The following RASGRF2 variants were observed in gnomAD, a reference collection of about 807,000 sequenced individuals.
RASGRF2 encodes Ras protein specific guanine nucleotide releasing factor 2.
RASGRF2 carries 76 observed loss-of-function variants against 151.0 expected under a neutral mutation model. That is an observed-to-expected ratio of 0.50 (90% CI 0.42 to 0.61). RASGRF2 has a LOEUF of 0.61. RASGRF2 is among the 20% of genes least tolerant of loss of function. RASGRF2 has a pLI of 0.00. For synonymous variants in RASGRF2, 504 were observed against 566.5 expected (o/e 0.89, Z 1.57); for missense variants, 1,148 against 1,564.6 (o/e 0.73, Z 4.49).
chr5:81,201,168 C>A (rs1755385799), intron 18 of RASGRF2, among the ~76,000 whole-genome samples, 162 bp from the exon 19 acceptor site: 1 of 152,150 alleles, frequency 6.6e-6, no homozygotes, highest in African/African-American at 2.4e-5. Flanking sequence ...CCATTCCTAA[C>A]CAATTAAATC....
At chr5:81,018,417 G>A (rs1749712105) in intron 1 of RASGRF2, among the ~76,000 whole-genome samples, 1 of 152,138 alleles carries the variant, frequency 6.6e-6, no homozygotes, top group Non-Finnish European at 1.5e-5. Context: ...GATTTAGAGT[G>A]AGTTCTCTGT....
chr5:81,188,000 C>T (rs1289559587), intron 18 of RASGRF2, among the ~76,000 whole-genome samples: 1 of 152,154 alleles, frequency 6.6e-6, no homozygotes, highest in African/African-American at 2.4e-5. Flanking sequence ...ACAGAATTTT[C>T]GGTGTGGGCA....
At chr5:80,975,692 G>A (rs536758019) in intron 1 of RASGRF2, among the ~76,000 whole-genome samples, 8 of 152,220 alleles carry the variant, frequency 5.3e-5, no homozygotes, top group East Asian at 1.9e-4. Context: ...CTAATGAGTG[G>A]TGAGGTATAT....
At position 81,168,200 on chromosome 5, in the gene RASGRF2, T is replaced by C. The variant is rs955426866; in HGVS notation, c.2687-11975T>C. 3.3e-5 allele frequency among the ~76,000 whole-genome samples: 5 copies of C among 152,020 alleles called. No individual in the cohort carries two copies. The East Asian group carries it at 9.7e-4, about 30-fold the overall frequency. On this transcript the variant is annotated intron_variant, in intron 17 of 26. Transcript: ENST00000265080. ...TCCGCTTTGCCCCATCCCATCCCTT[T>C]TCACCTCCTTAAGAACTGTTCTCCT...
At position 80,971,906 on chromosome 5, in the gene RASGRF2, A is replaced by T. The variant is rs930391269; in HGVS notation, c.288+10880A>T. 5.4e-5 allele frequency among the ~76,000 whole-genome samples: 8 copies of T among 148,286 alleles called. No homozygotes were observed. The South Asian group carries it at 1.5e-3, about 28-fold the overall frequency. The stretch of plus-strand genomic sequence containing the variant: ...TTTATTTTATTTTATTTTATTTTTT[A>T]TTTTTTTATTTTTTAGAGACAGTGT... On this transcript the variant is annotated intron_variant, in intron 1 of 26. Coordinates refer to ENST00000265080, the MANE Select transcript of RASGRF2 (RefSeq NM_006909.3).
intron 2 of RASGRF2, among the ~76,000 whole-genome samples, chr5:81,064,995 CT>C (rs1751558188): frequency 6.6e-6 from 1 of 152,150 alleles, no homozygotes; most frequent in South Asian, 2.1e-4. Context: ...TGTTCTCCCA[CT>C]GGCTTTGAAG....
At chr5:81,025,394 C>T (rs961658065) in intron 1 of RASGRF2, among the ~76,000 whole-genome samples, 2 of 152,216 alleles carry the variant, frequency 1.3e-5, no homozygotes, top group African/African-American at 4.8e-5. Context: ...CGTTGGAGCT[C>T]CTCACACTAG....
At chr5:81,101,620 C>T (rs1051598419) in intron 12 of RASGRF2, among the ~76,000 whole-genome samples, 5 of 152,080 alleles carry the variant, frequency 3.3e-5, no homozygotes, top group African/African-American at 1.2e-4. Flanking sequence ...CTCTCTGTCT[C>T]TCTTTCTTTC....
intron 17 of RASGRF2, among the ~76,000 whole-genome samples, chr5:81,158,376 G>A (rs1754309089): frequency 6.6e-6 from 1 of 152,122 alleles, no homozygotes; most frequent in African/African-American, 2.4e-5. Context: ...AGGAGAAATT[G>A]TTAGTGGATT....
intron 7 of RASGRF2, among the ~76,000 whole-genome samples, chr5:81,083,470 G>A (rs1430855004): frequency 6.6e-6 from 1 of 151,988 alleles, no homozygotes; most frequent in African/African-American, 2.4e-5. Context: ...CCTCCTTCTC[G>A]GCCCTTTTTT....
intron 1 of RASGRF2, among the ~76,000 whole-genome samples, chr5:81,006,428 C>T (rs145566521): frequency 6.6e-6 from 1 of 152,166 alleles, no homozygotes; most frequent in Non-Finnish European, 1.5e-5. Context: ...TTTGAAAGTG[C>T]AAAGGTGTTT....
chr5:81,186,571 C>T (rs190808508), intron 18 of RASGRF2, among the ~76,000 whole-genome samples: 20 of 152,240 alleles, frequency 1.3e-4, no homozygotes, highest in East Asian at 9.6e-4. Flanking sequence ...GACACACACA[C>T]GCGCACACAC....
chr5:81,055,397 A>C (rs1320636912), intron 2 of RASGRF2, among the ~76,000 whole-genome samples: 1 of 152,028 alleles, frequency 6.6e-6, no homozygotes, highest in African/African-American at 2.4e-5. Flanking sequence ...TGTGGTTTTT[A>C]TCGTTGGTTC....
At chr5:81,134,113 T>TGTGTGA (rs1429600235) in intron 17 of RASGRF2, among the ~76,000 whole-genome samples, 57 of 150,756 alleles carry the variant, frequency 3.8e-4, no homozygotes, top group African/African-American at 1.3e-3. Context: ...TGTGTGTGAG[T>TGTGTGA]GAATATTTTA....
chr5:81,159,382 C>T (rs924894873), intron 17 of RASGRF2, among the ~76,000 whole-genome samples: 3 of 152,182 alleles, frequency 2.0e-5, no homozygotes, highest in African/African-American at 4.8e-5. Flanking sequence ...AGCTGTGTTC[C>T]GGTAAAACCT....
Position 80,960,594 on chromosome 5 carries a change from G to A in RASGRF2, c.-145G>A. On this transcript the variant is annotated 5_prime_UTR_variant, in exon 1 of 27. Transcript: ENST00000265080. The surrounding 1 kb of genome is among the most constrained non-coding windows in gnomAD (Gnocchi z 5.5). ...GCCGCGGCCTCCCGAAAGCGGGCGG[G>A]GTGCCCTGCGCGCGGCGTGGGGAAA... The A allele has an allele frequency of 1.3e-6, 1 of 773,648 alleles. No homozygotes were observed. Among genetic ancestry groups the A allele is most frequent in the South Asian group, 6.8e-5 (1 of 14,740 alleles). The allele number at this position is 773,648 out of a possible 1,614,324, so 47.9% of individuals were successfully genotyped here.
chr5:81,034,187 C>G (rs1750379645), intron 1 of RASGRF2, among the ~76,000 whole-genome samples: 1 of 152,190 alleles, frequency 6.6e-6, no homozygotes, highest in Admixed American at 6.5e-5. Flanking sequence ...AGCCAAAAAA[C>G]ACATGAAAAA....
chr5:81,179,559 T>C (rs764439246), intron 17 of RASGRF2, among the ~76,000 whole-genome samples: 8 of 152,230 alleles, frequency 5.3e-5, no homozygotes, highest in Non-Finnish European at 1.2e-4. Flanking sequence ...TGCTTTGATA[T>C]AGGTTTATGT....
chr5:81,112,744 G>A lies in RASGRF2; in HGVS notation c.1973G>A (p.Ser658Asn). 4 of 1,614,194 alleles carry A rather than the reference G, an allele frequency of 2.5e-6. No homozygotes were observed. Among genetic ancestry groups the A allele is most frequent in the Non-Finnish European group, 3.4e-6 (4 of 1,180,048 alleles). The change falls in exon 14 of 27, where the codon AGT (serine) becomes AAT (asparagine). Residue 658 changes from serine (S) to asparagine (N), a missense_variant. Physicochemically the swap from Ser to Asn is conservative, Grantham distance 46 (BLOSUM62 1). This residue lies in a region of RASGRF2 where 646 missense variants were observed against 807.4 expected (regional missense o/e 0.80). Transcript: ENST00000265080. ...LERLTDLRFL[S>N]IDFLNTFLHT... Reference sequence around the variant, plus strand: ...CGACTGACAGACTTGCGGTTTCTTAGTATTGATTTCCTCAACACCTTTCTG... The same window carrying A: ...CGACTGACAGACTTGCGGTTTCTTAATATTGATTTCCTCAACACCTTTCTG...
Sources: gnomAD v4.1 joint callset for allele counts (sites outside exome capture counted in the v4.1 genomes callset) on GRCh38, gnomAD v4.1.1 for gene constraint, gnomAD v4.1.1 regional missense constraint, Gnocchi (gnomAD v3.1) non-coding constraint, MANE v1.5 for transcripts, NCBI Gene and HGNC (gene_info 2026-07-23, HGNC 2026-07-21) for gene names.